The following WDFY3 variants were observed in gnomAD, a reference collection of about 807,000 sequenced individuals.
WDFY3 encodes the protein WD repeat and FYVE domain-containing protein 3.
In WDFY3, 66 loss-of-function variants were observed where a neutral mutation model predicts 409.6. The observed-to-expected ratio is 0.16, with a 90% CI of 0.13 to 0.20. WDFY3 has a LOEUF of 0.20. WDFY3 is among the 10% of genes least tolerant of loss of function. The pLI, the probability that WDFY3 is intolerant of heterozygous loss-of-function variation, is 1.00. For missense variants in WDFY3, 3,031 were observed against 4,298.1 expected (o/e 0.71, Z 8.24); for synonymous variants, 1,521 against 1,537.1 (o/e 0.99, Z 0.25).
intron 60 of WDFY3, 72 bp from the exon 61 acceptor site, chr4:84,690,736 G>A (rs754044226): frequency 6.7e-7 from 1 of 1,491,152 alleles, no homozygotes; most frequent in Non-Finnish European, 8.9e-7. Flanking sequence ...TCAAGGAGCA[G>A]AATTGAGTGA....
chr4:84,784,891 T>TATATATATATACACACAC (rs1238884117), intron 24 of WDFY3, among the ~76,000 whole-genome samples: 1 of 36,928 alleles, frequency 2.7e-5, no homozygotes, highest in African/African-American at 7.6e-5. Flanking sequence ...TATATATATA[T>TATATATATATACACACAC]ACACACACAC....
intron 12 of WDFY3, 67 bp downstream of exon 12, chr4:84,820,018 G>T: frequency 7.4e-7 from 1 of 1,343,124 alleles, no homozygotes; most frequent in Non-Finnish European, 1.0e-6. Context: ...TCAGAAGCAA[G>T]AATAACCACA....
At chr4:84,842,752 G>C (rs764748941) in intron 5 of WDFY3, among the ~76,000 whole-genome samples, 11 of 152,214 alleles carry the variant, frequency 7.2e-5, no homozygotes, top group Non-Finnish European at 1.3e-4. Context: ...CTGCACTCCA[G>C]CCTAGGCAAC....
intron 3 of WDFY3, among the ~76,000 whole-genome samples, chr4:84,872,493 A>C (rs946767890): frequency 3.9e-5 from 6 of 152,006 alleles, no homozygotes; most frequent in African/African-American, 1.4e-4. Flanking sequence ...TAATATGCTA[A>C]GATAGGAGAT....
rs149991107 is a variant in WDFY3 at position 84,791,024 on chromosome 4, T to C, written c.3488-1117A>G. ...CACTGTTGGTGGGAATGTAAAATGC[T>C]GCAGCTGCTATGGAAAACAGTACAG... On this transcript the variant is annotated intron_variant, in intron 21 of 67. Coordinates refer to ENST00000295888, the MANE Select transcript of WDFY3 (RefSeq NM_014991.6). 3.4e-4 allele frequency among the ~76,000 whole-genome samples: 51 copies of C among 152,232 alleles called. 1 individual carries two copies. Among genetic ancestry groups the C allele is most frequent in the African/African-American group, 1.0e-3 (43 of 41,548 alleles).
chr4:84,947,001 G>A (rs1217969352), intron 1 of WDFY3, among the ~76,000 whole-genome samples: 1 of 151,366 alleles, frequency 6.6e-6, no homozygotes, highest in Non-Finnish European at 1.5e-5. Flanking sequence ...TAGATACGGA[G>A]TTTCACTGTG....
chr4:84,885,360 G>GTT (rs968262309), intron 3 of WDFY3, among the ~76,000 whole-genome samples: 1 of 135,830 alleles, frequency 7.4e-6, no homozygotes, highest in African/African-American at 2.7e-5. Context: ...GTGTGTGTGT[G>GTT]TGTGTGTAAA....
intron 50 of WDFY3, among the ~76,000 whole-genome samples, chr4:84,713,695 T>A (rs1733328076): frequency 6.6e-6 from 1 of 152,224 alleles, no homozygotes; most frequent in Non-Finnish European, 1.5e-5. Context: ...ATTGCCAGGA[T>A]CTGTATCACC....
intron 1 of WDFY3, among the ~76,000 whole-genome samples, chr4:84,963,378 T>C (rs1353252075): frequency 2.8e-5 from 4 of 144,358 alleles, no homozygotes; most frequent in Admixed American, 7.2e-5. Flanking sequence ...TGAGCCCAGA[T>C]GATGCCACTG....
rs911139974 is a variant in WDFY3 at position 84,764,239 on chromosome 4, C to T, written c.5188+1571G>A. The stretch of plus-strand genomic sequence containing the variant: ...TTTAAACCTTGCATATTCAACAGAA[C>T]TCACATTCAGTTGTGCCTTTCGTTA... On this transcript the variant is annotated intron_variant, in intron 32 of 67. Transcript: ENST00000295888. Among the ~76,000 whole-genome samples, 6 of 152,158 alleles carry T rather than the reference C, an allele frequency of 3.9e-5. No individual in the cohort carries two copies. In the East Asian group the frequency reaches 5.8e-4, roughly 15 times the overall value.
chr4:84,782,352 C>G (rs1297811636), intron 25 of WDFY3, among the ~76,000 whole-genome samples: 2 of 150,304 alleles, frequency 1.3e-5, no homozygotes, highest in Non-Finnish European at 3.0e-5. Context: ...TCATTACTGA[C>G]AAGAGGGAAA....
chr4:84,677,824 G>A (rs1726571446), intron 66 of WDFY3, among the ~76,000 whole-genome samples: 1 of 151,566 alleles, frequency 6.6e-6, no homozygotes, highest in Non-Finnish European at 1.5e-5. Context: ...TTAGCCGGGT[G>A]TGATGGTGCA....
chr4:84,842,051 A>C (rs1174336984), intron 5 of WDFY3, among the ~76,000 whole-genome samples: 3 of 152,216 alleles, frequency 2.0e-5, no homozygotes, highest in Non-Finnish European at 4.4e-5. Context: ...CTTCAAAAGT[A>C]AATTTAGTTG....
chr4:84,845,551 G>A (rs1757974825), intron 5 of WDFY3, among the ~76,000 whole-genome samples: 1 of 151,982 alleles, frequency 6.6e-6, no homozygotes, highest in Non-Finnish European at 1.5e-5. Context: ...CTTAAAAATT[G>A]GTTAAGAGGG....
At chr4:84,771,404 T>C (rs1277103601) in intron 30 of WDFY3, among the ~76,000 whole-genome samples, 1 of 152,186 alleles carries the variant, frequency 6.6e-6, no homozygotes, top group African/African-American at 2.4e-5. Context: ...TCCCGAAGTG[T>C]TGGGATTACA....
intron 3 of WDFY3, among the ~76,000 whole-genome samples, chr4:84,889,623 T>C (rs1425285918): frequency 6.6e-6 from 1 of 151,900 alleles, no homozygotes; most frequent in South Asian, 2.1e-4. Context: ...TCTGTTCCTA[T>C]GAATTTCAAA....
chr4:84,938,210 A>T (rs1428145229), intron 1 of WDFY3, among the ~76,000 whole-genome samples: 2 of 152,174 alleles, frequency 1.3e-5, no homozygotes, highest in Non-Finnish European at 2.9e-5. Flanking sequence ...ACATTTTTTA[A>T]AATAAATAAA....
At chr4:84,758,987 G>A (rs908989612) in intron 32 of WDFY3, among the ~76,000 whole-genome samples, 1 of 152,152 alleles carries the variant, frequency 6.6e-6, no homozygotes, top group African/African-American at 2.4e-5. Flanking sequence ...TGTATAAGGT[G>A]TAAGCAAGGG....
chr4:84,946,511 T>C (rs1180913193), intron 1 of WDFY3, among the ~76,000 whole-genome samples: 2 of 152,176 alleles, frequency 1.3e-5, no homozygotes, highest in Non-Finnish European at 1.5e-5. Context: ...TACTTCAACT[T>C]GCTTTTTGCT....
Sources: gnomAD v4.1 joint callset for allele counts (sites outside exome capture counted in the v4.1 genomes callset) on GRCh38, gnomAD v4.1.1 for gene constraint, MANE v1.5 for transcripts, NCBI Gene and HGNC (gene_info 2026-07-23, HGNC 2026-07-21) for gene names.